Variants in RAD52 observed in about 807,000 individuals in gnomAD.
The protein encoded by RAD52 is DNA repair protein RAD52 homolog.
In RAD52, 47 loss-of-function variants were observed where a neutral mutation model predicts 55.5. That is an observed-to-expected ratio of 0.85 (90% CI 0.67 to 1.08). RAD52 has a LOEUF of 1.08. Ranked by LOEUF, RAD52 falls within the 50% of genes least tolerant of loss-of-function variation. The pLI is 0.00. For synonymous variants in RAD52, 184 were observed against 198.9 expected (o/e 0.92, Z 0.63); for missense variants, 468 against 522.8 (o/e 0.90, Z 1.02).
chr12:941,912 C>T (rs993979531), intron 1 of RAD52, among the ~76,000 whole-genome samples: 1 of 152,184 alleles, frequency 6.6e-6, no homozygotes, highest in Non-Finnish European at 1.5e-5. Flanking sequence ...GCTGGGATTA[C>T]AGGCATAAGC....
At chr12:986,245 A>G (rs1052328253) in intron 1 of RAD52, among the ~76,000 whole-genome samples, 1 of 152,016 alleles carries the variant, frequency 6.6e-6, no homozygotes, top group East Asian at 1.9e-4. Flanking sequence ...TGTTTTTAAA[A>G]TAGAGACAGG....
At chr12:979,648 C>T (rs1036735069) in intron 1 of RAD52, among the ~76,000 whole-genome samples, 1 of 152,124 alleles carries the variant, frequency 6.6e-6, no homozygotes, top group East Asian at 1.9e-4. Context: ...AGAGAGGCCT[C>T]ACAATAAACC....
At chr12:925,615 C>G (rs781764711) in intron 6 of RAD52, 90 bp from the exon 7 acceptor site, 203 of 1,071,134 alleles carry the variant, frequency 1.9e-4, no homozygotes, top group Non-Finnish European at 2.6e-4. Flanking sequence ...GTACAGGTTG[C>G]TTCTCAGGAG....
chr12:979,539 G>GTCTCTC (rs149039045), intron 1 of RAD52, among the ~76,000 whole-genome samples: 2 of 150,124 alleles, frequency 1.3e-5, no homozygotes, highest in Non-Finnish European at 3.0e-5. Flanking sequence ...CACATGTGCC[G>GTCTCTC]TCTCTCTCTC....
intron 1 of RAD52, among the ~76,000 whole-genome samples, chr12:962,641 C>T (rs1958703886): frequency 6.6e-6 from 1 of 152,150 alleles, no homozygotes; most frequent in Non-Finnish European, 1.5e-5. Context: ...GCCACTGCAC[C>T]TGGCCCAAGG....
upstream of RAD52, among the ~76,000 whole-genome samples, chr12:950,898 C>T (rs143214905): frequency 3.2e-3 from 485 of 152,168 alleles, 4 homozygotes; most frequent in African/African-American, 0.011. Context: ...TTATCTCCCC[C>T]AGCCCCTTAT....
chr12:921,279 A>G (rs1471694057), intron 7 of RAD52, among the ~76,000 whole-genome samples: 1 of 152,182 alleles, frequency 6.6e-6, no homozygotes, highest in Non-Finnish European at 1.5e-5. Context: ...TAAGTGAAAG[A>G]GAGAATACAA....
intron 1 of RAD52, among the ~76,000 whole-genome samples, chr12:987,010 G>A (rs1213578142): frequency 6.6e-6 from 1 of 151,994 alleles, no homozygotes; most frequent in Non-Finnish European, 1.5e-5. Flanking sequence ...TTTGCTCACT[G>A]CCCAGGCTGG....
chr12:914,256 C>A (rs531083852), intron 10 of RAD52, 135 bp from the exon 11 acceptor site: 3 of 1,284,204 alleles, frequency 2.3e-6, no homozygotes, highest in East Asian at 2.5e-5. Context: ...CTCCCCTCCC[C>A]CTAAAAGTAC....
intron 7 of RAD52, among the ~76,000 whole-genome samples, chr12:917,022 C>A (rs548287925): frequency 2.4e-4 from 37 of 152,090 alleles, no homozygotes; most frequent in Non-Finnish European, 4.4e-4. Flanking sequence ...AAAAGGAATC[C>A]TTCTTTGGTT....
chr12:931,472 T>C, intron 2 of RAD52, 151 bp from the exon 3 acceptor site: 2 of 532,518 alleles, frequency 3.8e-6, no homozygotes, highest in Non-Finnish European at 6.4e-6. Flanking sequence ...GAATCAAAAC[T>C]GAGAAACTTT....
intron 1 of RAD52, among the ~76,000 whole-genome samples, chr12:968,742 T>C (rs1023280624): frequency 1.3e-5 from 2 of 152,072 alleles, no homozygotes; most frequent in African/African-American, 4.8e-5. Context: ...GCTGTGTGCA[T>C]GCCCAGCAAA....
chr12:981,017 C>T (rs931262601), intron 1 of RAD52, among the ~76,000 whole-genome samples: 1 of 152,064 alleles, frequency 6.6e-6, no homozygotes, highest in African/African-American at 2.4e-5. Context: ...ACTCTAAGTC[C>T]AAAGGCTCAT....
At chr12:917,169 C>A (rs973491771) in intron 7 of RAD52, among the ~76,000 whole-genome samples, 3 of 152,200 alleles carry the variant, frequency 2.0e-5, no homozygotes, top group Non-Finnish European at 4.4e-5. Context: ...CCTTCCCAAC[C>A]CTTTCTGCCA....
chr12:973,782 C>CTTTTTTTTTTTTTT (rs750425355), intron 1 of RAD52, among the ~76,000 whole-genome samples: 10 of 113,480 alleles, frequency 8.8e-5, no homozygotes, highest in African/African-American at 3.7e-4. Context: ...CCCAGTCCTT[C>CTTTTTTTTTTTTTT]TTTTTTTTTT....
At position 914,670 on chromosome 12, in the gene RAD52, C is replaced by T. The variant is rs866393825; in HGVS notation, c.866-138G>A. 1.7e-4 allele frequency: 169 copies of T among 1,002,810 alleles called. 1 individual carries two copies. The highest frequency in any genetic ancestry group is 9.9e-4 in the South Asian group (64 of 64,736). The allele number at this position is 1,002,810 out of a possible 1,614,324, so 62.1% of individuals were successfully genotyped here. ...CCGCTTAGGGCTGCGCTGCTTCTGC[C>T]AGTAAAAAGAACTTCAGCTTCCCGA... On this transcript the variant is annotated intron_variant, in intron 9 of 11. Transcript: ENST00000358495.
intron 10 of RAD52, 43 bp downstream of exon 10, chr12:914,388 A>C: frequency 1.2e-6 from 2 of 1,607,802 alleles, no homozygotes; most frequent in Non-Finnish European, 8.5e-7. Flanking sequence ...TGGCTACTAG[A>C]AACATACAGC....
chr12:972,988 T>A (rs991070798), intron 1 of RAD52, among the ~76,000 whole-genome samples: 1 of 148,112 alleles, frequency 6.8e-6, no homozygotes, highest in African/African-American at 2.6e-5. Context: ...TGGAGAATTT[T>A]GTGCAAGAAA....
intron 1 of RAD52, among the ~76,000 whole-genome samples, chr12:989,229 C>T (rs1486482909): frequency 6.6e-6 from 1 of 152,166 alleles, no homozygotes; most frequent in African/African-American, 2.4e-5. Context: ...TCCAAATCTC[C>T]GTCTCCCTAA....
Sources: allele counts gnomAD v4.1 joint callset (sites outside exome capture counted in the v4.1 genomes callset), GRCh38; gene constraint gnomAD v4.1.1; transcripts MANE v1.5; gene names NCBI Gene and HGNC (gene_info 2026-07-23, HGNC 2026-07-21).